A1CF: variants seen among roughly 807,000 people sequenced by gnomAD.
A1CF encodes APOBEC1 complementation factor.
In A1CF, 48 loss-of-function variants were observed where a neutral mutation model predicts 68.9. That is an observed-to-expected ratio of 0.70 (90% CI 0.55 to 0.89). A1CF has a LOEUF of 0.89. A1CF is among the 40% of genes least tolerant of loss of function. The pLI is 0.00. For missense variants in A1CF, 653 were observed against 718.9 expected, an observed-to-expected ratio of 0.91 and a Z score of 1.05; for synonymous variants, 272 against 260.4, an observed-to-expected ratio of 1.04 and a Z score of -0.43.
intron 10 of A1CF, among the ~76,000 whole-genome samples, chr10:50,812,203 G>A (rs1838148813): frequency 6.6e-6 from 1 of 152,154 alleles, no homozygotes; most frequent in Admixed American, 6.5e-5. Flanking sequence ...TAGATATTAT[G>A]CCTGCTTGTT....
intron 7 of A1CF, among the ~76,000 whole-genome samples, chr10:50,827,870 A>G (rs528995148): frequency 1.3e-5 from 2 of 152,320 alleles, no homozygotes; most frequent in East Asian, 3.9e-4. Context: ...TAAAAGATCA[A>G]CAAAATTGAT....
chr10:50,853,606 G>A (rs145845516), intron 3 of A1CF, among the ~76,000 whole-genome samples: 1 of 152,204 alleles, frequency 6.6e-6, no homozygotes, highest in Non-Finnish European at 1.5e-5. Context: ...CCCAGTGCTT[G>A]AGGTGGTGTG....
At chr10:50,836,923 C>T (rs937496601) in intron 5 of A1CF, among the ~76,000 whole-genome samples, 29 of 152,032 alleles carry the variant, frequency 1.9e-4, no homozygotes, top group Non-Finnish European at 3.5e-4. Context: ...GATGTGGATT[C>T]AAGAGTTGTC....
intron 4 of A1CF, among the ~76,000 whole-genome samples, chr10:50,842,343 TC>T (rs1384925168): frequency 6.6e-6 from 1 of 152,210 alleles, no homozygotes; most frequent in African/African-American, 2.4e-5. Flanking sequence ...AAGTACAGTT[TC>T]TTACACCTGT....
chr10:50,864,648 T>A (rs561268752), intron 1 of A1CF, among the ~76,000 whole-genome samples: 1 of 152,274 alleles, frequency 6.6e-6, no homozygotes, highest in Non-Finnish European at 1.5e-5. Context: ...GATGGAGTTT[T>A]GCTCTTGTTG....
In A1CF at chr10:50,857,975, A is replaced by T. The variant is rs73326793; in HGVS notation, c.99+1867T>A. ...GATACCTGTCAGGCCTGAGAGCCCAATGAAGGTAGCTCAGTAAAAACTTTC... is the reference window on the plus strand; with the variant it reads ...GATACCTGTCAGGCCTGAGAGCCCATTGAAGGTAGCTCAGTAAAAACTTTC... On this transcript the variant is annotated intron_variant, in intron 3 of 12. Transcript: ENST00000373997. Among the ~76,000 whole-genome samples the T allele has an allele frequency of 5.1e-3, 775 of 152,332 alleles. 7 individuals are homozygous for T. Among genetic ancestry groups the T allele is most frequent in the African/African-American group, 0.017 (693 of 41,584 alleles).
intron 5 of A1CF, among the ~76,000 whole-genome samples, chr10:50,840,300 G>A (rs549656914): frequency 1.6e-4 from 23 of 148,372 alleles, no homozygotes; most frequent in African/African-American, 5.0e-4. Flanking sequence ...ATCATTTGTC[G>A]GCTTATCACT....
At chr10:50,846,261 G>A (rs1050776206) in intron 3 of A1CF, among the ~76,000 whole-genome samples, 1 of 152,158 alleles carries the variant, frequency 6.6e-6, no homozygotes, top group Non-Finnish European at 1.5e-5. Context: ...AGTGTATTCT[G>A]TGTTTATACT....
At chr10:50,876,418 AAGATTGAG>A (rs1332582546) in intron 1 of A1CF, among the ~76,000 whole-genome samples, 1 of 152,234 alleles carries the variant, frequency 6.6e-6, no homozygotes, top group Non-Finnish European at 1.5e-5. Context: ...GTCAACACTG[AAGATTGAG>A]AGATGAATGA....
At chr10:50,884,885 A>T (rs2132647951) in intron 1 of A1CF, among the ~76,000 whole-genome samples, 1 of 152,336 alleles carries the variant, frequency 6.6e-6, no homozygotes, top group Non-Finnish European at 1.5e-5. Flanking sequence ...CACAAAAAAA[A>T]TATGTGAAAA....
rs371584214 is a variant in A1CF, at chr10:50,859,878, G to A, written c.63C>T (p.Arg21=). 1.2e-6 allele frequency: 2 copies of A among 1,613,890 alleles called. No individual in the cohort carries two copies. The highest frequency in any genetic ancestry group is 1.1e-5 in the South Asian group (1 of 91,088). ...LSGTQKEAAL[R]ALVQRTGYSL... is the part of the protein sequence containing the mutation. ...TATATCCTGTGCGCTGGACCAGTGC[G>A]CGGAGGGCTGCTTCCTTCTGAGTGC... Residue 21 remains arginine, a synonymous_variant, in exon 3 of 13, where the codon CGC becomes CGT. Coordinates refer to ENST00000373997, the MANE Select transcript of A1CF (RefSeq NM_014576.4).
intron 7 of A1CF, among the ~76,000 whole-genome samples, 167 bp downstream of exon 7, chr10:50,827,964 C>T (rs1205061435): frequency 3.9e-5 from 6 of 151,920 alleles, no homozygotes; most frequent in East Asian, 1.9e-4. Flanking sequence ...ATATCGCCAC[C>T]GATCCCACAG....
intron 12 of A1CF, 143 bp downstream of exon 12, chr10:50,809,751 G>C (rs1026515031): frequency 8.7e-6 from 11 of 1,267,750 alleles, no homozygotes; most frequent in Non-Finnish European, 1.1e-5. Flanking sequence ...CACTCATTTG[G>C]GAAACTCTTT....
chr10:50,853,750 A>AT lies in A1CF; in HGVS notation c.99+6091dup, dbSNP rs11344383. On this transcript the variant is annotated intron_variant, in intron 3 of 12. Coordinates refer to ENST00000373997, the MANE Select transcript of A1CF (RefSeq NM_014576.4). The stretch of plus-strand genomic sequence containing the variant: ...CTAAGGAATCGAGTTGGAGTCAGCA[A>AT]TTTTTTTTTTTTTTTGTAAAAGGCC... 6.5e-3 allele frequency among the ~76,000 whole-genome samples: 926 copies of AT among 141,436 alleles called. 11 individuals are homozygous for AT. The highest frequency in any genetic ancestry group is 0.021 in the African/African-American group (828 of 38,708). The allele number at this position is 141,436 out of a possible 152,430, so 92.8% of individuals were successfully genotyped here. A position where few individuals can be genotyped will look rare whatever the true frequency, so the allele number is the denominator to read the frequency against.
chr10:50,836,254 C>A lies in A1CF; in HGVS notation c.424G>T (p.Gly142Cys). The A allele has an allele frequency of 1.2e-6, 2 of 1,613,918 alleles. No individual in the cohort carries two copies. Among genetic ancestry groups the A allele is most frequent in the South Asian group, 2.2e-5 (2 of 91,070 alleles). The part of the protein sequence containing the change: ...SVDNCRLFVG[G>C]IPKTKKREEI... ...TCTCTCTTTTTGGTTTTTGGGATGC[C>A]CCCAACAAATAATCGGCAGTTGTCC... The change falls in exon 6 of 13, where the codon GGC (glycine) becomes TGC (cysteine). Residue 142 changes from glycine (G) to cysteine (C), a missense_variant. Coordinates refer to ENST00000373997, the MANE Select transcript of A1CF (RefSeq NM_014576.4).
At chr10:50,884,095 AACTT>A (rs1841901264) in intron 1 of A1CF, among the ~76,000 whole-genome samples, 1 of 152,204 alleles carries the variant, frequency 6.6e-6, no homozygotes, top group Non-Finnish European at 1.5e-5. Flanking sequence ...CTGTTTCCTC[AACTT>A]ACTTGACAAT....
chr10:50,853,800 T>A (rs1344947999), intron 3 of A1CF, among the ~76,000 whole-genome samples: 2 of 146,324 alleles, frequency 1.4e-5, no homozygotes. Context: ...TTAGGCTTTT[T>A]TTTAAAAAAA....
intron 8 of A1CF, among the ~76,000 whole-genome samples, chr10:50,817,633 G>A (rs970588519): frequency 2.6e-5 from 4 of 152,122 alleles, no homozygotes; most frequent in African/African-American, 9.7e-5. Context: ...AGGAACTTGG[G>A]TATAAGATTC....
intron 3 of A1CF, among the ~76,000 whole-genome samples, chr10:50,853,543 G>A (rs1229675962): frequency 6.6e-5 from 10 of 152,034 alleles, no homozygotes; most frequent in Non-Finnish European, 1.3e-4. Flanking sequence ...GTAGAAACAT[G>A]TCTCTCTTTG....
Sources: gnomAD v4.1 joint callset for allele counts (sites outside exome capture counted in the v4.1 genomes callset) on GRCh38, gnomAD v4.1.1 for gene constraint, MANE v1.5 for transcripts, NCBI Gene and HGNC (gene_info 2026-07-23, HGNC 2026-07-21) for gene names.